The following KLRG1 variants were observed in gnomAD, a reference collection of about 807,000 sequenced individuals.
KLRG1 encodes killer cell lectin-like receptor subfamily G member 1.
In KLRG1, 16 loss-of-function variants were observed where a neutral mutation model predicts 21.8. The observed-to-expected ratio is 0.73, with a 90% CI of 0.50 to 1.11. KLRG1 has a LOEUF of 1.11. Ranked by LOEUF, KLRG1 falls within the 50% of genes most tolerant of loss-of-function variation. The probability of loss-of-function intolerance (pLI) is 0.00; values close to 1 mark genes in which losing one functional copy is unlikely to be tolerated. For synonymous variants in KLRG1, 69 were observed against 75.9 expected (o/e 0.91, Z 0.47); for missense variants, 173 against 218.3 (o/e 0.79, Z 1.31).
At chr12:8,992,510 C>T (rs1358750355) in intron 2 of KLRG1, among the ~76,000 whole-genome samples, 200 bp downstream of exon 2, 1 of 151,862 alleles carries the variant, frequency 6.6e-6, no homozygotes, top group Non-Finnish European at 1.5e-5. Context: ...TTTTTTGAGA[C>T]AGGGTCTCCC....
chr12:8,972,997 C>A (rs1025340254), intron 1 of KLRG1, among the ~76,000 whole-genome samples: 1 of 151,300 alleles, frequency 6.6e-6, no homozygotes, highest in Non-Finnish European at 1.5e-5. Context: ...AAAAGTTAGC[C>A]GGGCATGGTG....
At chr12:8,960,979 C>T (rs1364775008) in intron 1 of KLRG1, among the ~76,000 whole-genome samples, 2 of 152,138 alleles carry the variant, frequency 1.3e-5, no homozygotes, top group Admixed American at 6.5e-5. Context: ...ATCAAAGATA[C>T]CAAGAATGTC....
intron 1 of KLRG1, among the ~76,000 whole-genome samples, chr12:8,957,200 G>A (rs1946309527): frequency 6.6e-6 from 1 of 152,234 alleles, no homozygotes; most frequent in Non-Finnish European, 1.5e-5. Context: ...TGGTGGGGTA[G>A]TATTACATTT....
At chr12:9,003,742 G>A (rs1357950142) in intron 3 of KLRG1, among the ~76,000 whole-genome samples, 1 of 150,744 alleles carries the variant, frequency 6.6e-6, no homozygotes, top group African/African-American at 2.4e-5. Flanking sequence ...TAGGGTACAT[G>A]TTCACAATGT....
chr12:9,207,357 C>T, the KLRG1 span, among the ~76,000 whole-genome samples: 1 of 152,208 alleles, frequency 6.6e-6, no homozygotes, highest in Non-Finnish European at 1.5e-5. Flanking sequence ...CAAGAGTTCT[C>T]ACCATTCTCT....
At position 8,995,167 on chromosome 12, in the gene KLRG1, G is replaced by A. The variant is rs1262076679; in HGVS notation, c.236G>A (p.Trp79Ter). ...CASCPSCPDR[W>*]MKYGNHCYYF... Reference sequence around the variant, plus strand: ...AGCTGTCCTAGCTGCCCAGACCGCTGGATGAAATATGGTAACCATTGTTAT... The same window carrying A: ...AGCTGTCCTAGCTGCCCAGACCGCTAGATGAAATATGGTAACCATTGTTAT... Residue 79 changes from tryptophan (W) to a stop codon, truncating the protein, a stop_gained, in exon 3 of 5, where the codon TGG (tryptophan) becomes TAG (stop). Coordinates refer to ENST00000356986, the MANE Select transcript of KLRG1 (RefSeq NM_005810.4). LOFTEE classifies it high-confidence loss of function. The A allele has an allele frequency of 2.5e-6, 4 of 1,613,162 alleles. No individual in the cohort carries two copies. The highest frequency in any genetic ancestry group is 3.4e-6 in the Non-Finnish European group (4 of 1,179,620).
the KLRG1 span, chr12:9,111,978 A>C: frequency 1.0e-5 from 8 of 771,292 alleles, no homozygotes; most frequent in African/African-American, 3.4e-5. Context: ...AGACAGAAAG[A>C]ATTACCTACT....
the KLRG1 span, chr12:9,151,513 G>A: frequency 5.6e-6 from 6 of 1,065,804 alleles, no homozygotes; most frequent in African/African-American, 3.2e-5. Context: ...ACTAATGATT[G>A]TTTTCCTCAT....
At chr12:9,185,954 T>G in the KLRG1 span, among the ~76,000 whole-genome samples, 1 of 151,732 alleles carries the variant, frequency 6.6e-6, no homozygotes, top group East Asian at 1.9e-4. Context: ...ACTACAGGCG[T>G]GCACCATCAC....
the KLRG1 span, chr12:9,068,717 A>T: frequency 6.5e-7 from 1 of 1,529,724 alleles, no homozygotes; most frequent in Middle Eastern, 1.7e-4. Flanking sequence ...AAATATTTCT[A>T]CGTGAAAATC....
At chr12:9,077,629 A>T in the KLRG1 span, 5 of 1,570,304 alleles carry the variant, frequency 3.2e-6, no homozygotes, top group Non-Finnish European at 4.3e-6. Context: ...AATTTTTCAC[A>T]TTATCACTTC....
Position 9,003,553 on chromosome 12 carries a change from A to G in KLRG1, c.358-5422A>G, listed in dbSNP as rs754305213. 7.2e-5 allele frequency among the ~76,000 whole-genome samples: 11 copies of G among 152,220 alleles called. No individual in the cohort carries two copies. The South Asian group carries it at 2.1e-3, about 29-fold the overall frequency. On this transcript the variant is annotated intron_variant, in intron 3 of 4. Transcript: ENST00000356986. ...TTAAGAAATGCAAAAATTTTAAGCT[A>G]TCTTGAAAATTACAGTGTCATTTCA... is the stretch of plus-strand genomic sequence containing the variant.
At chr12:9,202,453 G>A in the KLRG1 span, 5 of 1,612,016 alleles carry the variant, frequency 3.1e-6, no homozygotes, top group African/African-American at 6.7e-5. Context: ...ACGGGGCTAG[G>A]ATAATGGAGA....
the KLRG1 span, chr12:9,203,909 G>A: frequency 6.2e-6 from 10 of 1,614,056 alleles, no homozygotes; most frequent in South Asian, 1.1e-4. Flanking sequence ...CCTTCTTAGG[G>A]GCCTCAGTGT....
the KLRG1 span, among the ~76,000 whole-genome samples, chr12:9,143,660 TC>T: frequency 6.6e-6 from 1 of 152,040 alleles, no homozygotes; most frequent in Non-Finnish European, 1.5e-5. Context: ...GTTGTCAAGG[TC>T]CCTGAGAATT....
chr12:8,953,327 A>G (rs11048195), intron 1 of KLRG1, among the ~76,000 whole-genome samples: 55,826 of 152,022 alleles, frequency 0.37, 11,378 homozygotes, highest in Middle Eastern at 0.47. Context: ...TTCAGAATGG[A>G]AAGTGTGTGC....
chr12:9,196,379 A>C, the KLRG1 span: 1 of 1,613,894 alleles, frequency 6.2e-7, no homozygotes, highest in Non-Finnish European at 8.5e-7. Flanking sequence ...CACTTTCACG[A>C]ATTTGAGTTT....
At chr12:9,060,076 C>T in the KLRG1 span, among the ~76,000 whole-genome samples, 2 of 134,692 alleles carry the variant, frequency 1.5e-5, no homozygotes, top group Non-Finnish European at 3.1e-5. Flanking sequence ...GTGATCTCGG[C>T]TCACTGCAAG....
the KLRG1 span, chr12:9,076,624 G>A: frequency 6.4e-6 from 5 of 784,076 alleles, no homozygotes; most frequent in Admixed American, 1.4e-4. Context: ...ATGCAATATG[G>A]ACAAAATATA....
Sources: allele counts gnomAD v4.1 joint callset (sites outside exome capture counted in the v4.1 genomes callset), GRCh38; gene constraint gnomAD v4.1.1; transcripts MANE v1.5; gene names NCBI Gene and HGNC (gene_info 2026-07-23, HGNC 2026-07-21).